NRXN3: variants seen among roughly 807,000 people sequenced by gnomAD.
The protein encoded by NRXN3 is neurexin III.
In NRXN3, 32 loss-of-function variants were observed where a neutral mutation model predicts 137.6. That is an observed-to-expected ratio of 0.23 (90% CI 0.18 to 0.31). The LOEUF is 0.31. Ranked by LOEUF, NRXN3 falls within the 10% of genes least tolerant of loss-of-function variation. The pLI, the probability that NRXN3 is intolerant of heterozygous loss-of-function variation, is 1.00. For synonymous variants in NRXN3, 798 were observed against 784.5 expected (o/e 1.02, Z -0.29); for missense variants, 1,574 against 2,062.5 (o/e 0.76, Z 4.59).
At chr14:79,373,453 A>T (rs551720256) in intron 15 of NRXN3, among the ~76,000 whole-genome samples, 1 of 152,340 alleles carries the variant, frequency 6.6e-6, no homozygotes, top group South Asian at 2.1e-4. Flanking sequence ...TGTTAAAGAA[A>T]TGAAAACGTG....
chr14:78,943,613 AAAAAAAAAATATATATATATATATAT>A lies in NRXN3; in HGVS notation c.2276-13627_2276-13602del, dbSNP rs1172420348. Among the ~76,000 whole-genome samples the A allele has an allele frequency of 1.3e-4, 4 of 30,998 alleles. 1 individual carries two copies. In the South Asian group the frequency reaches 5.5e-3, roughly 43 times the overall value. 20.3% of individuals were successfully genotyped at this position (30,998 alleles called of 152,430 possible). On this transcript the variant is annotated intron_variant, in intron 10 of 20. Coordinates refer to ENST00000335750, the MANE Select transcript of NRXN3 (RefSeq NM_001330195.2). ...AGAAAAGAAGCAAGATCACTGTTAA[AAAAAAAAAATATATATATATATATAT>A]ATATATATATATATATATATATATA... is the stretch of plus-strand genomic sequence containing the variant.
intron 3 of NRXN3, among the ~76,000 whole-genome samples, chr14:78,290,648 G>T (rs1013306365): frequency 5.3e-5 from 8 of 152,042 alleles, no homozygotes; most frequent in African/African-American, 1.9e-4. Context: ...CAAAAAAAAA[G>T]GGGGACTTAG....
intron 9 of NRXN3, among the ~76,000 whole-genome samples, chr14:78,806,693 G>T (rs2098872724): frequency 6.6e-6 from 1 of 152,136 alleles, no homozygotes; most frequent in Admixed American, 6.6e-5. Context: ...GGTGCTAACA[G>T]GTATGAGAAA....
chr14:79,726,487 A>C (rs1177961048), intron 19 of NRXN3, among the ~76,000 whole-genome samples: 9 of 152,140 alleles, frequency 5.9e-5, no homozygotes, highest in Non-Finnish European at 2.9e-5. Context: ...AATCCCCCAG[A>C]AGAACTACTA....
At chr14:78,925,998 A>G (rs997979091) in intron 10 of NRXN3, among the ~76,000 whole-genome samples, 6 of 152,206 alleles carry the variant, frequency 3.9e-5, no homozygotes, top group African/African-American at 1.4e-4. Flanking sequence ...AAAAATTATA[A>G]TTATTACAGT....
chr14:78,867,977 T>C (rs2099091496), intron 10 of NRXN3, among the ~76,000 whole-genome samples: 1 of 148,354 alleles, frequency 6.7e-6, no homozygotes, highest in Admixed American at 6.7e-5. Flanking sequence ...AATTATAAAA[T>C]TACAAAAATG....
rs566070358 is a variant in NRXN3 at position 79,251,163 on chromosome 14, C to T, written c.3263-216058C>T. The stretch of plus-strand genomic sequence containing the variant: ...TAAGTAGCCACTGAAGGATTTTGTG[C>T]AAAGCAGTGAAATTATGTGGGCTGC... On this transcript the variant is annotated intron_variant, in intron 15 of 20. Coordinates refer to ENST00000335750, the MANE Select transcript of NRXN3 (RefSeq NM_001330195.2). Among the ~76,000 whole-genome samples, 3 of 152,230 alleles carry T rather than the reference C, an allele frequency of 2.0e-5. No homozygotes were observed. In the East Asian group the frequency reaches 5.8e-4, roughly 29 times the overall value.
chr14:79,405,970 C>CA (rs1188744574), intron 15 of NRXN3, among the ~76,000 whole-genome samples: 1 of 152,072 alleles, frequency 6.6e-6, no homozygotes. Flanking sequence ...TAATGAATAC[C>CA]TTCTACATTC....
At chr14:79,768,088 G>T (rs1568175862) in intron 19 of NRXN3, among the ~76,000 whole-genome samples, 3 of 152,236 alleles carry the variant, frequency 2.0e-5, no homozygotes, top group African/African-American at 7.2e-5. Context: ...GGCGCACCAG[G>T]AGATTATATC....
At chr14:79,704,878 T>C (rs1053531738) in intron 19 of NRXN3, among the ~76,000 whole-genome samples, 1 of 152,202 alleles carries the variant, frequency 6.6e-6, no homozygotes, top group South Asian at 2.1e-4. Context: ...GGGAGCTTGA[T>C]GGGTTTACCT....
chr14:79,442,363 T>G (rs1366364671), intron 15 of NRXN3, among the ~76,000 whole-genome samples: 1 of 152,142 alleles, frequency 6.6e-6, no homozygotes, highest in Non-Finnish European at 1.5e-5. Flanking sequence ...CATGGGGAGT[T>G]TGTGCATATG....
intron 15 of NRXN3, among the ~76,000 whole-genome samples, chr14:79,396,495 C>T (rs773970403): frequency 3.3e-5 from 5 of 152,116 alleles, no homozygotes; most frequent in Non-Finnish European, 7.3e-5. Context: ...ACATCCAGAG[C>T]GGGTCCTGGT....
At chr14:79,094,228 A>G (rs1015823553) in intron 15 of NRXN3, among the ~76,000 whole-genome samples, 1 of 152,166 alleles carries the variant, frequency 6.6e-6, no homozygotes, top group Non-Finnish European at 1.5e-5. Flanking sequence ...AGTGGGGTAG[A>G]GCTAACCCCT....
chr14:78,314,995 T>C (rs2063986), intron 4 of NRXN3, among the ~76,000 whole-genome samples: 834 of 19,574 alleles, frequency 0.043, 26 homozygotes, highest in African/African-American at 0.11. Flanking sequence ...TCCTTTCTCT[T>C]TCTTTCTTTC....
At chr14:79,545,129 A>G (rs1030015467) in intron 16 of NRXN3, among the ~76,000 whole-genome samples, 1 of 152,018 alleles carries the variant, frequency 6.6e-6, no homozygotes, top group African/African-American at 2.4e-5. Context: ...AGCCCCATTG[A>G]TTTCTGTATT....
chr14:78,458,156 G>A (rs2110421), intron 4 of NRXN3, among the ~76,000 whole-genome samples: 118,662 of 152,122 alleles, frequency 0.78, 48,720 homozygotes, highest in Non-Finnish European at 0.92. Flanking sequence ...TACTGGTCAG[G>A]AAACAAATCT....
intron 4 of NRXN3, among the ~76,000 whole-genome samples, chr14:78,503,430 A>G (rs1214943290): frequency 6.6e-6 from 1 of 152,122 alleles, no homozygotes; most frequent in Non-Finnish European, 1.5e-5. Flanking sequence ...GCTCAAGGGG[A>G]GACAGATGAT....
intron 16 of NRXN3, among the ~76,000 whole-genome samples, chr14:79,505,081 G>A (rs918924631): frequency 6.6e-6 from 1 of 152,058 alleles, no homozygotes; most frequent in African/African-American, 2.4e-5. Context: ...CAGGTGTGGT[G>A]GTGCATGCCT....
intron 15 of NRXN3, among the ~76,000 whole-genome samples, chr14:79,157,969 G>A (rs964826465): frequency 1.3e-5 from 2 of 151,768 alleles, no homozygotes; most frequent in Non-Finnish European, 2.9e-5. Context: ...CCGCTATGCA[G>A]TCAGGGATGA....
Sources: gnomAD v4.1 joint callset for allele counts (sites outside exome capture counted in the v4.1 genomes callset) on GRCh38, gnomAD v4.1.1 for gene constraint, MANE v1.5 for transcripts, NCBI Gene and HGNC (gene_info 2026-07-23, HGNC 2026-07-21) for gene names.